The following SLC35D4 variants were observed in gnomAD, a reference collection of about 807,000 sequenced individuals.
SLC35D4 encodes the protein solute carrier family 35 member D4, also known as UDP-N-acetylglucosamine transporter SLC35D4.
chr18:23,319,119 C>T, the SLC35D4 span, among the ~76,000 whole-genome samples: 1 of 152,106 alleles, frequency 6.6e-6, no homozygotes, highest in Non-Finnish European at 1.5e-5. Flanking sequence ...GCTGGGATTA[C>T]AGATGTGAGG....
At chr18:23,366,630 T>C in the SLC35D4 span, among the ~76,000 whole-genome samples, 2 of 152,124 alleles carry the variant, frequency 1.3e-5, no homozygotes, top group African/African-American at 4.8e-5. Context: ...AAGGAATCCC[T>C]AGTTGGTGGT....
chr18:23,325,085 G>A, the SLC35D4 span, among the ~76,000 whole-genome samples: 1 of 152,084 alleles, frequency 6.6e-6, no homozygotes, highest in Admixed American at 6.6e-5. Flanking sequence ...CAGTGAGCCA[G>A]CAGGGAGAGT....
chr18:23,280,904 C>T, the SLC35D4 span, among the ~76,000 whole-genome samples: 1 of 152,072 alleles, frequency 6.6e-6, no homozygotes, highest in Non-Finnish European at 1.5e-5. Flanking sequence ...TCCCTGAGTC[C>T]CACCCCCAAT....
the SLC35D4 span, chr18:23,254,064 C>T: frequency 2.7e-6 from 2 of 730,748 alleles, no homozygotes; most frequent in East Asian, 2.7e-5. Flanking sequence ...GAGGTGAAGG[C>T]TATGAAGTCT....
the SLC35D4 span, among the ~76,000 whole-genome samples, chr18:23,317,545 T>G: frequency 6.6e-6 from 1 of 152,190 alleles, no homozygotes; most frequent in Non-Finnish European, 1.5e-5. Flanking sequence ...TATTGATATA[T>G]ACCATGCACA....
At chr18:23,376,622 G>A in the SLC35D4 span, among the ~76,000 whole-genome samples, 11 of 152,216 alleles carry the variant, frequency 7.2e-5, no homozygotes, top group Non-Finnish European at 1.5e-4. Context: ...TGTGGTGGGA[G>A]GAGAGGAGAA....
the SLC35D4 span, among the ~76,000 whole-genome samples, chr18:23,247,560 C>G: frequency 6.6e-6 from 1 of 152,212 alleles, no homozygotes; most frequent in Admixed American, 6.5e-5. Flanking sequence ...CCCCACAGAT[C>G]AGGTGCCTGC....
At chr18:23,268,795 T>C in the SLC35D4 span, among the ~76,000 whole-genome samples, 1 of 138,196 alleles carries the variant, frequency 7.2e-6, no homozygotes, top group African/African-American at 3.0e-5. Flanking sequence ...GCTGTGCGTG[T>C]GTGTGTGCGT....
the SLC35D4 span, among the ~76,000 whole-genome samples, chr18:23,395,236 T>C: frequency 4.9e-4 from 74 of 152,210 alleles, 1 homozygote; most frequent in Middle Eastern, 3.4e-3. Context: ...TTTACACTCT[T>C]CCTTTGTGGA....
chr18:23,240,241 T>C, the SLC35D4 span, among the ~76,000 whole-genome samples: 1 of 151,702 alleles, frequency 6.6e-6, no homozygotes, highest in South Asian at 2.1e-4. Context: ...GGGCTGAGAG[T>C]GGTTGGCCCC....
chr18:23,256,265 T>C, the SLC35D4 span, among the ~76,000 whole-genome samples: 1 of 152,236 alleles, frequency 6.6e-6, no homozygotes, highest in Non-Finnish European at 1.5e-5. Context: ...TTCTCCTTCC[T>C]TTCCAGCTCC....
the SLC35D4 span, among the ~76,000 whole-genome samples, chr18:23,388,651 T>C: frequency 6.6e-6 from 1 of 152,184 alleles, no homozygotes; most frequent in African/African-American, 2.4e-5. Flanking sequence ...CCTGCTGATA[T>C]GGTTTGGCTC....
the SLC35D4 span, among the ~76,000 whole-genome samples, chr18:23,287,958 A>G: frequency 1.7e-4 from 26 of 152,174 alleles, no homozygotes; most frequent in African/African-American, 6.0e-4. Context: ...ATCACAAACT[A>G]TGCTCAACTC....
chr18:23,324,325 T>A, the SLC35D4 span, among the ~76,000 whole-genome samples: 1 of 152,164 alleles, frequency 6.6e-6, no homozygotes, highest in Admixed American at 6.6e-5. Flanking sequence ...TAAATTTCTA[T>A]TGTGTAAGCC....
chr18:23,349,534 G>A, the SLC35D4 span, among the ~76,000 whole-genome samples: 1 of 152,218 alleles, frequency 6.6e-6, no homozygotes, highest in East Asian at 1.9e-4. Context: ...GGGAGGCTAA[G>A]GCAGGAGAAT....
At chr18:23,313,556 G>A in the SLC35D4 span, among the ~76,000 whole-genome samples, 1 of 152,120 alleles carries the variant, frequency 6.6e-6, no homozygotes, top group Non-Finnish European at 1.5e-5. Flanking sequence ...AAAACACACA[G>A]GTGTGAAATC....
the SLC35D4 span, among the ~76,000 whole-genome samples, chr18:23,290,343 G>T: frequency 2.6e-5 from 4 of 152,240 alleles, no homozygotes; most frequent in African/African-American, 9.6e-5. Context: ...CCCAGAACCA[G>T]CTGCGGGGAA....
chr18:23,272,113 T>C, the SLC35D4 span, among the ~76,000 whole-genome samples: 3 of 152,202 alleles, frequency 2.0e-5, no homozygotes, highest in Non-Finnish European at 4.4e-5. Flanking sequence ...TGATTGGAAG[T>C]AGTTGGTATC....
chr18:23,249,936 C>T, the SLC35D4 span, among the ~76,000 whole-genome samples: 1 of 152,198 alleles, frequency 6.6e-6, no homozygotes, highest in African/African-American at 2.4e-5. Context: ...AGCGCTGGCC[C>T]CTGCCTGCGG....
Sources: gnomAD v4.1 joint callset for allele counts (sites outside exome capture counted in the v4.1 genomes callset) on GRCh38, gnomAD v4.1.1 for gene constraint, MANE v1.5 for transcripts, NCBI Gene and HGNC (gene_info 2026-07-23, HGNC 2026-07-21) for gene names.